Variants in STON2 observed in about 807,000 individuals in gnomAD.
STON2 encodes the protein stonin 2, also known as stonin-2.
Under a neutral mutation model 65.7 loss-of-function variants are expected in STON2, and 29 were observed. That is an observed-to-expected ratio of 0.44 (90% CI 0.33 to 0.60). STON2 has a LOEUF of 0.60. STON2 is among the 20% of genes least tolerant of loss of function. STON2 has a pLI of 0.03. For missense variants in STON2, 1,054 were observed against 1,118.1 expected (o/e 0.94, Z 0.82); for synonymous variants, 404 against 414.2 (o/e 0.98, Z 0.30).
chr14:81,374,842 C>T (rs990546940), intron 3 of STON2, among the ~76,000 whole-genome samples: 9 of 151,970 alleles, frequency 5.9e-5, no homozygotes, highest in African/African-American at 2.2e-4. Flanking sequence ...TGAAAATTCC[C>T]TAGAATTTAT....
intron 4 of STON2, among the ~76,000 whole-genome samples, chr14:81,353,392 G>T (rs935383141): frequency 6.6e-6 from 1 of 152,126 alleles, no homozygotes. Context: ...CAAGATGACA[G>T]AATGGAAGGT....
intron 2 of STON2, among the ~76,000 whole-genome samples, chr14:81,422,267 G>C (rs969646997): frequency 9.2e-5 from 14 of 152,090 alleles, no homozygotes; most frequent in Non-Finnish European, 7.4e-5. Context: ...GAGAACTGAA[G>C]TTGAAAAGAG....
chr14:81,301,599 A>G (rs1895970007), intron 5 of STON2, among the ~76,000 whole-genome samples: 1 of 152,234 alleles, frequency 6.6e-6, no homozygotes, highest in Non-Finnish European at 1.5e-5. Flanking sequence ...ATATACTAGC[A>G]GAGAGAATGT....
Position 81,398,564 on chromosome 14 carries a change from A to G in STON2, c.-182T>C. 2.1e-6 allele frequency: 1 copy of G among 475,324 alleles called. No homozygotes were observed. The highest frequency in any genetic ancestry group is 3.8e-5 in the Admixed American group (1 of 26,044). The allele number at this position is 475,324 out of a possible 1,614,324, so 29.4% of individuals were successfully genotyped here. A position where few individuals can be genotyped will look rare whatever the true frequency, so the allele number is the denominator to read the frequency against. ...GATCAGCCTCTCTTGCCGTTGGTTA[A>G]TCTGCCAGGCAGAAATCTGTTTAAC... is the stretch of plus-strand genomic sequence containing the variant. On this transcript the variant is annotated 5_prime_UTR_variant, in exon 2 of 8. Transcript: ENST00000614646.
rs1899725078 is a variant in STON2, at chr14:81,385,022, G to A, written c.373+10872C>T. On this transcript the variant is annotated intron_variant, in intron 3 of 7. Coordinates refer to ENST00000614646, the MANE Select transcript of STON2 (RefSeq NM_001394390.1). ...CTCCCCAAAAGCTCCATTAGTAACA[G>A]ATTGCCCAACTGTTAGGCAACTTCA... is the stretch of plus-strand genomic sequence containing the variant. 1.3e-5 allele frequency among the ~76,000 whole-genome samples: 2 copies of A among 152,184 alleles called. 1 individual carries two copies. Among genetic ancestry groups the A allele is most frequent in the South Asian group, 4.1e-4 (2 of 4,820 alleles).
intron 2 of STON2, among the ~76,000 whole-genome samples, chr14:81,415,668 C>CAAAAAAAA (rs35270491): frequency 1.3e-5 from 1 of 77,306 alleles, no homozygotes; most frequent in East Asian, 3.5e-4. Context: ...GACTCCATCG[C>CAAAAAAAA]AAAAAAAAAA....
At chr14:81,274,454 G>A (rs1183889350) in intron 6 of STON2, among the ~76,000 whole-genome samples, 1 of 152,164 alleles carries the variant, frequency 6.6e-6, no homozygotes, top group African/African-American at 2.4e-5. Context: ...TCATTAAGGA[G>A]AGTGTTTGCT....
chr14:81,306,769 A>G (rs1056213109), intron 5 of STON2: 3 of 152,208 alleles, frequency 2.0e-5, no homozygotes, highest in South Asian at 2.1e-4. Flanking sequence ...AATAAAGAAG[A>G]GGAAATCCAG....
rs1456751057 is a variant in STON2, at chr14:81,268,054, C to G, written c.*360G>C. On this transcript the variant is annotated 3_prime_UTR_variant, in exon 8 of 8. Transcript: ENST00000614646. ...ACATCAGAAGGCAATCGTGCTAACA[C>G]TGATGTGGGAGGTTCTTTTCCTGAC... The G allele has an allele frequency of 3.0e-6, 3 of 992,334 alleles. No homozygotes were observed. Among genetic ancestry groups the G allele is most frequent in the Admixed American group, 5.8e-5 (1 of 17,120 alleles). The allele number at this position is 992,334 out of a possible 1,614,324, so 61.5% of individuals were successfully genotyped here. A position where few individuals can be genotyped will look rare whatever the true frequency, so the allele number is the denominator to read the frequency against.
At chr14:81,321,214 T>C (rs1177788199) in intron 5 of STON2, among the ~76,000 whole-genome samples, 1 of 152,084 alleles carries the variant, frequency 6.6e-6, no homozygotes, top group African/African-American at 2.4e-5. Flanking sequence ...ACCTTTTGGA[T>C]GGCTCCGCTC....
chr14:81,350,130 C>T (rs1241742797), intron 4 of STON2, among the ~76,000 whole-genome samples: 1 of 151,956 alleles, frequency 6.6e-6, no homozygotes, highest in East Asian at 1.9e-4. Context: ...ATAGAAGGAA[C>T]AAATTCTGTT....
chr14:81,399,228 T>C (rs2140446856), intron 1 of STON2, among the ~76,000 whole-genome samples: 1 of 152,360 alleles, frequency 6.6e-6, no homozygotes, highest in East Asian at 1.9e-4. Flanking sequence ...CACACTGCAA[T>C]TATGTTCTAG....
chr14:81,343,345 C>T (rs190476364), intron 4 of STON2, among the ~76,000 whole-genome samples: 1 of 152,302 alleles, frequency 6.6e-6, no homozygotes, highest in East Asian at 1.9e-4. Context: ...TTGCTTGCGG[C>T]AACCAATTTG....
intron 4 of STON2, among the ~76,000 whole-genome samples, chr14:81,360,138 T>A (rs1898425909): frequency 6.6e-6 from 1 of 152,082 alleles, no homozygotes; most frequent in Non-Finnish European, 1.5e-5. Flanking sequence ...TCACAAACTC[T>A]TGAAAAAAAT....
chr14:81,264,559 C>A lies in STON2; in HGVS notation c.*3855G>T, dbSNP rs1279223923. 1.0e-6 allele frequency: 1 copy of A among 984,420 alleles called. No homozygotes were observed. The highest frequency in any genetic ancestry group is 1.1e-4 in the East Asian group (1 of 8,802). 61.0% of individuals were successfully genotyped at this position (984,420 alleles called of 1,614,324 possible). On this transcript the variant is annotated 3_prime_UTR_variant, in exon 8 of 8. Transcript: ENST00000614646. The stretch of plus-strand genomic sequence containing the variant: ...CACAAAAAATTATATATAGTCCTTG[C>A]CTTCATGGATCCCATTTATCAGAAA...
intron 2 of STON2, among the ~76,000 whole-genome samples, chr14:81,422,062 C>A (rs548629927): frequency 1.3e-5 from 2 of 152,330 alleles, no homozygotes; most frequent in South Asian, 4.1e-4. Flanking sequence ...CCTGGATTAT[C>A]TTAGAACTCA....
At chr14:81,315,930 A>G (rs541760005) in intron 5 of STON2, among the ~76,000 whole-genome samples, 27 of 152,370 alleles carry the variant, frequency 1.8e-4, no homozygotes, top group African/African-American at 6.5e-4. Flanking sequence ...GTAACAACCT[A>G]TCCAAGATAA....
chr14:81,301,637 T>G (rs751820715), intron 5 of STON2, among the ~76,000 whole-genome samples: 17 of 152,226 alleles, frequency 1.1e-4, no homozygotes, highest in Non-Finnish European at 1.6e-4. Context: ...GAGTGGAACG[T>G]GCTCAAGATT....
At chr14:81,423,178 G>A (rs10134510) in intron 2 of STON2, among the ~76,000 whole-genome samples, 31,884 of 151,980 alleles carry the variant, frequency 0.21, 5,114 homozygotes, top group African/African-American at 0.44. Flanking sequence ...ACGTACACAA[G>A]TCACCAACCA....
Sources: gnomAD v4.1 joint callset for allele counts (sites outside exome capture counted in the v4.1 genomes callset) on GRCh38, gnomAD v4.1.1 for gene constraint, MANE v1.5 for transcripts, NCBI Gene and HGNC (gene_info 2026-07-23, HGNC 2026-07-21) for gene names.